Variants in EEFSEC observed in about 807,000 individuals in gnomAD.
The protein encoded by EEFSEC is selenocysteine-specific elongation factor.
In EEFSEC, 43 loss-of-function variants were observed where a neutral mutation model predicts 42.1. The observed-to-expected ratio is 1.02, with a 90% confidence interval of 0.80 to 1.32. EEFSEC has a LOEUF of 1.32. Ranked by LOEUF, EEFSEC falls within the 40% of genes most tolerant of loss-of-function variation. The pLI is 0.00. For missense variants in EEFSEC, 745 were observed against 803.6 expected, an observed-to-expected ratio of 0.93 and a Z score of 0.88; for synonymous variants, 354 against 339.1, an observed-to-expected ratio of 1.04 and a Z score of -0.48.
intron 1 of EEFSEC, among the ~76,000 whole-genome samples, chr3:128,206,864 C>T (rs1233098602): frequency 6.6e-6 from 1 of 152,124 alleles, no homozygotes; most frequent in Non-Finnish European, 1.5e-5. Flanking sequence ...GGCCCGGAGA[C>T]AGAATAAGCC....
the EEFSEC span, among the ~76,000 whole-genome samples, chr3:128,421,788 T>C: frequency 2.8e-4 from 43 of 152,112 alleles, no homozygotes; most frequent in Non-Finnish European, 5.7e-4. Flanking sequence ...CTGGCTGACC[T>C]GTGGGCACCA....
intron 1 of EEFSEC, among the ~76,000 whole-genome samples, chr3:128,164,835 T>A (rs921641509): frequency 2.6e-5 from 4 of 152,072 alleles, no homozygotes; most frequent in Admixed American, 6.5e-5. Flanking sequence ...CTGGTGGCTT[T>A]TAGTGAGCTC....
intron 5 of EEFSEC, among the ~76,000 whole-genome samples, chr3:128,353,065 G>A (rs554893372): frequency 2.1e-4 from 32 of 152,214 alleles, no homozygotes; most frequent in African/African-American, 6.7e-4. Context: ...TGAGTTTAAG[G>A]GAAAGAACGT....
rs146831169 is a variant in EEFSEC at position 128,392,179 on chromosome 3, G to A, written c.1601-15890G>A. Among the ~76,000 whole-genome samples the A allele has an allele frequency of 2.6e-5, 4 of 152,332 alleles. No homozygotes were observed. In the East Asian group the frequency reaches 7.7e-4, roughly 29 times the overall value. ...CTCTGTTGTCTCTGAGCCAGGGCATGCGGGACCCAGAGTGGGAGTTAGGCA... is the reference window on the plus strand; with the variant it reads ...CTCTGTTGTCTCTGAGCCAGGGCATACGGGACCCAGAGTGGGAGTTAGGCA... On this transcript the variant is annotated intron_variant, in intron 6 of 6. Coordinates refer to ENST00000254730, the MANE Select transcript of EEFSEC (RefSeq NM_021937.5).
intron 6 of EEFSEC, among the ~76,000 whole-genome samples, chr3:128,391,559 G>A (rs1421498751): frequency 2.6e-5 from 4 of 152,254 alleles, no homozygotes; most frequent in African/African-American, 9.6e-5. Flanking sequence ...GCAGGAGTGA[G>A]TGATAGAGCA....
chr3:128,196,555 T>C (rs1172957349), intron 1 of EEFSEC, among the ~76,000 whole-genome samples: 1 of 152,234 alleles, frequency 6.6e-6, no homozygotes, highest in South Asian at 2.1e-4. Context: ...TCATGTAATT[T>C]TTTTTGGCTG....
intron 6 of EEFSEC, among the ~76,000 whole-genome samples, chr3:128,407,036 C>T (rs1008928624): frequency 2.6e-5 from 4 of 152,104 alleles, no homozygotes; most frequent in Admixed American, 1.3e-4. Context: ...GCAGAGGGAA[C>T]AACACGTGAC....
At chr3:128,297,812 A>G (rs1474552962) in intron 4 of EEFSEC, among the ~76,000 whole-genome samples, 1 of 152,196 alleles carries the variant, frequency 6.6e-6, no homozygotes, top group Admixed American at 6.5e-5. Flanking sequence ...TACTCTCACC[A>G]CACTCCTAAA....
At chr3:128,402,316 GC>G (rs1476654947) in intron 6 of EEFSEC, among the ~76,000 whole-genome samples, 1 of 152,170 alleles carries the variant, frequency 6.6e-6, no homozygotes, top group Non-Finnish European at 1.5e-5. Context: ...TTTTGAATCA[GC>G]ATTATAACAT....
At chr3:128,217,706 A>G (rs553287714) in intron 1 of EEFSEC, among the ~76,000 whole-genome samples, 1 of 152,204 alleles carries the variant, frequency 6.6e-6, no homozygotes, top group South Asian at 2.1e-4. Flanking sequence ...CCCACTGCCC[A>G]TGTATATAAC....
chr3:128,265,670 A>C (rs986892582), intron 4 of EEFSEC, among the ~76,000 whole-genome samples: 1 of 152,094 alleles, frequency 6.6e-6, no homozygotes, highest in Non-Finnish European at 1.5e-5. Flanking sequence ...GCTGCTAGAG[A>C]GGCTTGGATG....
intron 4 of EEFSEC, among the ~76,000 whole-genome samples, chr3:128,301,561 G>A (rs1028735374): frequency 6.6e-6 from 1 of 152,188 alleles, no homozygotes; most frequent in African/African-American, 2.4e-5. Flanking sequence ...GGGGAGGCAG[G>A]TGTTGGACTC....
the EEFSEC span, among the ~76,000 whole-genome samples, chr3:128,415,515 C>T: frequency 1.3e-5 from 2 of 152,196 alleles, no homozygotes; most frequent in Non-Finnish European, 1.5e-5. Context: ...TAGTCAGCAG[C>T]GCCTCACTGC....
chr3:128,368,206 C>T (rs1001607968), intron 6 of EEFSEC, among the ~76,000 whole-genome samples: 9 of 152,228 alleles, frequency 5.9e-5, no homozygotes, highest in African/African-American at 1.9e-4. Context: ...CTGAGGCAAG[C>T]GGATCACCTG....
At chr3:128,398,561 C>T (rs2068010277) in intron 6 of EEFSEC, among the ~76,000 whole-genome samples, 1 of 152,124 alleles carries the variant, frequency 6.6e-6, no homozygotes, top group African/African-American at 2.4e-5. Context: ...AAGGACAGAC[C>T]AGTGGGAGAG....
At chr3:128,361,340 A>G (rs914977877) in intron 6 of EEFSEC, among the ~76,000 whole-genome samples, 7 of 151,728 alleles carry the variant, frequency 4.6e-5, no homozygotes, top group Non-Finnish European at 8.8e-5. Context: ...GGTCCTGCCA[A>G]CTCTTCACTA....
chr3:128,379,249 C>T (rs72977361), intron 6 of EEFSEC, among the ~76,000 whole-genome samples: 3,691 of 152,322 alleles, frequency 0.024, 144 homozygotes, highest in African/African-American at 0.085. Context: ...GCGCAGAGAG[C>T]ACTTCGGGGT....
At chr3:128,411,122 C>T (rs2068171028), downstream of EEFSEC, among the ~76,000 whole-genome samples, 1 of 152,246 alleles carries the variant, frequency 6.6e-6, no homozygotes, top group Non-Finnish European at 1.5e-5. Context: ...GGCGCGCAGC[C>T]TTTGAAGGTG....
At chr3:128,219,324 C>T (rs993055440) in intron 1 of EEFSEC, among the ~76,000 whole-genome samples, 1 of 152,206 alleles carries the variant, frequency 6.6e-6, no homozygotes, top group Non-Finnish European at 1.5e-5. Flanking sequence ...ATCACTCCCC[C>T]ACTTGAAAAA....
Sources: gnomAD v4.1 joint callset for allele counts (sites outside exome capture counted in the v4.1 genomes callset) on GRCh38, gnomAD v4.1.1 for gene constraint, MANE v1.5 for transcripts, NCBI Gene and HGNC (gene_info 2026-07-23, HGNC 2026-07-21) for gene names.